PRSS33: variants seen among roughly 807,000 people sequenced by gnomAD.
PRSS33 encodes serine protease 33.
Under a neutral mutation model 26.7 loss-of-function variants are expected in PRSS33, and 32 were observed. That is an observed-to-expected ratio of 1.20 (90% CI 0.90 to 1.61). PRSS33 has a LOEUF of 1.61. Among genes scored for constraint, PRSS33 ranks in the 40% most tolerant of loss-of-function variants. The probability of loss-of-function intolerance (pLI) is 0.00; values close to 1 mark genes in which losing one functional copy is unlikely to be tolerated. For missense variants in PRSS33, 450 were observed against 396.3 expected (o/e 1.14, Z -1.15); for synonymous variants, 192 against 177.6 (o/e 1.08, Z -0.64).
intron 1 of PRSS33, chr16:2,786,837 C>G: frequency 3.1e-6 from 1 of 321,722 alleles, no homozygotes; most frequent in Non-Finnish European, 5.8e-6. Flanking sequence ...TGGAGCCTAA[C>G]CCCCCTCGGT....
chr16:2,785,861 G>C lies in PRSS33; in HGVS notation c.180C>G (p.His60Gln). Residue 60 changes from histidine to glutamine, a missense_variant, in exon 4 of 7, where the codon CAC (histidine) becomes CAG (glutamine). Transcript: ENST00000682474. ...GGGCGATGAGCGACCCCCCGCACAC[G>C]TGTGCCCCACGATGCTGGATGCTCG... is the stretch of plus-strand genomic sequence containing the variant. ...WQASIQHRGA[H>Q]VCGGSLIAPQ... The C allele has an allele frequency of 6.2e-7, 1 of 1,609,300 alleles. No homozygotes were observed. The highest frequency in any genetic ancestry group is 8.5e-7 in the Non-Finnish European group (1 of 1,179,004).
chr16:2,787,602 C>T (rs11076829), upstream of PRSS33, among the ~76,000 whole-genome samples: 90,344 of 148,430 alleles, frequency 0.61, 30,714 homozygotes, highest in Non-Finnish European at 0.78. Context: ...GCCAGGAGAG[C>T]GCGAGGCTCA....
At position 2,785,450 on chromosome 16, in the gene PRSS33, G is replaced by A. The variant is rs1243035776; in HGVS notation, c.439C>T (p.Leu147=). 2.0e-6 allele frequency: 3 copies of A among 1,503,188 alleles called. No homozygotes were observed. The highest frequency in any genetic ancestry group is 2.6e-6 in the Non-Finnish European group (3 of 1,135,596). 93.1% of individuals were successfully genotyped at this position (1,503,188 alleles called of 1,614,324 possible). A position where few individuals can be genotyped will look rare whatever the true frequency, so the allele number is the denominator to read the frequency against. The change falls in exon 5 of 7, where the codon CTG becomes TTG. Residue 147 remains leucine (L), a synonymous_variant. Coordinates refer to ENST00000682474, the MANE Select transcript of PRSS33 (RefSeq NM_152891.3). ...PLSARVQPVC[L]PVPGARPPPG... ...GGCGGGCGGGCGCCGGGCACGGGCAGGCAGACGGGTTGGACGCGAGCGCTC... is the reference window on the plus strand; with the variant it reads ...GGCGGGCGGGCGCCGGGCACGGGCAAGCAGACGGGTTGGACGCGAGCGCTC...
Position 2,784,773 on chromosome 16 carries a change from C to T in PRSS33, c.714G>A (p.Leu238=). 2 of 1,608,850 alleles carry T rather than the reference C, an allele frequency of 1.2e-6. No individual in the cohort carries two copies. The highest frequency in any genetic ancestry group is 1.7e-6 in the Non-Finnish European group (2 of 1,177,878). ...QGDSGGPLTC[L]QSGSWVLVGV... is the part of the protein sequence containing the mutation. ...CCACCAGGACCCAGCTCCCAGACTG[C>T]AGGCAGGTCAGAGGTCCCCCAGAAT... The change falls in exon 7 of 7, where the codon CTG becomes CTA. Residue 238 remains leucine, a synonymous_variant. Coordinates refer to ENST00000682474, the MANE Select transcript of PRSS33 (RefSeq NM_152891.3).
In PRSS33 at chr16:2,784,941, G is replaced by C. The variant is rs759419641; in HGVS notation, c.684+61C>G. 7 of 1,563,642 alleles carry C rather than the reference G, an allele frequency of 4.5e-6. No homozygotes were observed. In the South Asian group the frequency reaches 7.0e-5, roughly 16 times the overall value. On this transcript the variant is annotated intron_variant, in intron 6 of 6. Coordinates refer to ENST00000682474, the MANE Select transcript of PRSS33 (RefSeq NM_152891.3). The stretch of plus-strand genomic sequence containing the variant: ...GGGATGTCCTGGGTCCTGGAGTTCA[G>C]GGAGGGAGGGTGCTGGGCACAGGGA...
At position 2,785,871 on chromosome 16, in the gene PRSS33, C is replaced by G. The variant is rs370468018; in HGVS notation, c.170G>C (p.Arg57Pro). The change falls in exon 4 of 7, where the codon CGT becomes CCT. Residue 57 changes from arginine to proline, a missense_variant. Transcript: ENST00000682474. The stretch of plus-strand genomic sequence containing the variant: ...CGACCCCCCGCACACGTGTGCCCCA[C>G]GATGCTGGATGCTCGCCTGCCACGG... ...EWPWQASIQH[R>P]GAHVCGGSLI... 5.0e-6 allele frequency: 8 copies of G among 1,609,670 alleles called. No homozygotes were observed. Among genetic ancestry groups the G allele is most frequent in the African/African-American group, 1.3e-5 (1 of 74,904 alleles).
chr16:2,785,236 C>A, intron 5 of PRSS33, 65 bp from the exon 6 acceptor site: 1 of 1,469,136 alleles, frequency 6.8e-7, no homozygotes, highest in Non-Finnish European at 9.1e-7. Flanking sequence ...AGAAGCTGAG[C>A]TCTGAGTGAG....
chr16:2,785,106 CGCAG>C lies in PRSS33; in HGVS notation c.576_579del (p.Cys193ThrfsTer42). 1.6e-5 allele frequency: 25 copies of C among 1,549,906 alleles called. No homozygotes were observed. Among genetic ancestry groups the C allele is most frequent in the Non-Finnish European group, 2.2e-5 (25 of 1,149,998 alleles). On this transcript the variant is annotated frameshift_variant, in exon 6 of 7. Transcript: ENST00000682474. LOFTEE classifies it high-confidence loss of function. ...TCCGCGCCCACGTGGTAGAGGCCGT[CGCAG>C]GTGCGCGAGTCCAGCAGCGGCACCC...
In PRSS33 at chr16:2,785,381, G is replaced by C; in HGVS notation, c.508C>G (p.Pro170Ala). The C allele has an allele frequency of 7.0e-7, 1 of 1,434,324 alleles. No homozygotes were observed. Among genetic ancestry groups the C allele is most frequent in the South Asian group, 1.5e-5 (1 of 67,072 alleles). The allele number at this position is 1,434,324 out of a possible 1,614,324, so 88.8% of individuals were successfully genotyped here. ...CRVTGWGSLR[P>A]GVPLPEWRPL... ...CCCCGCCCTCCTGCCTTACCTCCTG[G>C]GCGGAGGCTGCCCCAGCCGGTGACC... is the stretch of plus-strand genomic sequence containing the variant. The change falls in exon 5 of 7, where the codon CCA becomes GCA. Residue 170 changes from proline to alanine, a missense_variant. Physicochemically the swap from Pro to Ala is conservative, Grantham distance 27. Transcript: ENST00000682474.
chr16:2,785,801 G>A lies in PRSS33; in HGVS notation c.240C>T (p.Pro80=). The change falls in exon 4 of 7, where the codon CCC becomes CCT. Residue 80 remains proline (P), a splice_region_variant and synonymous_variant. Transcript: ENST00000682474. ...QWVLTAAHCF[P]RRALPAEYRV... ...CTGGGCCCTCGGTGAGCGCTGACCT[G>A]GGGAAGCAGTGCGCCGCTGTCAGCA... The A allele has an allele frequency of 6.3e-7, 1 of 1,595,946 alleles. No homozygotes were observed. The highest frequency in any genetic ancestry group is 8.5e-7 in the Non-Finnish European group (1 of 1,176,064).
chr16:2,785,743 C>G, intron 4 of PRSS33, 56 bp downstream of exon 4: 1 of 1,511,236 alleles, frequency 6.6e-7, no homozygotes, highest in Non-Finnish European at 8.8e-7. Flanking sequence ...ACGCCCGGTC[C>G]TCTGCGGGCC....
At chr16:2,784,980 G>A in intron 6 of PRSS33, 22 bp downstream of exon 6, 1 of 1,593,604 alleles carries the variant, frequency 6.3e-7, no homozygotes, top group Non-Finnish European at 8.5e-7. Context: ...GACTCCGGAG[G>A]CTGGGGAGGC....
Position 2,785,428 on chromosome 16 carries a change from GGGCGGGC to G in PRSS33, c.454_460del (p.Ala152ArgfsTer30). 6.8e-7 allele frequency: 1 copy of G among 1,462,264 alleles called. No homozygotes were observed. Among genetic ancestry groups the G allele is most frequent in the Non-Finnish European group, 8.9e-7 (1 of 1,118,652 alleles). 90.6% of individuals were successfully genotyped at this position (1,462,264 alleles called of 1,614,324 possible). On this transcript the variant is annotated frameshift_variant, in exon 5 of 7. Transcript: ENST00000682474. LOFTEE classifies it high-confidence loss of function. ...GACCCGGCATGGTGTGCCGGGCGGC[GGGCGGGC>G]GCCGGGCACGGGCAGGCAGACGGGT... is the stretch of plus-strand genomic sequence containing the variant.
intron 2 of PRSS33, 68 bp from the exon 3 acceptor site, chr16:2,786,189 GC>G: frequency 7.3e-7 from 1 of 1,366,980 alleles, no homozygotes; most frequent in Non-Finnish European, 1.0e-6. Flanking sequence ...TGGAGGGGAG[GC>G]CAGAGATGAG....
At position 2,784,535 on chromosome 16, in the gene PRSS33, C is replaced by T. The variant is rs2068850093; in HGVS notation, c.*109G>A. On this transcript the variant is annotated 3_prime_UTR_variant, in exon 7 of 7. Transcript: ENST00000682474. Reference sequence around the variant, plus strand: ...TGGGGTGGCCTTTAGCTTTTTTAGGCATCTTGGCCTCGAGGCAGAAGGGAT... The same window carrying T: ...TGGGGTGGCCTTTAGCTTTTTTAGGTATCTTGGCCTCGAGGCAGAAGGGAT... 3 of 1,127,220 alleles carry T rather than the reference C, an allele frequency of 2.7e-6. No homozygotes were observed. Among genetic ancestry groups the T allele is most frequent in the South Asian group, 3.4e-5 (2 of 59,362 alleles). 69.8% of individuals were successfully genotyped at this position (1,127,220 alleles called of 1,614,324 possible). A position where few individuals can be genotyped will look rare whatever the true frequency, so the allele number is the denominator to read the frequency against.
At chr16:2,785,714 C>T (rs1688462133) in intron 4 of PRSS33, 68 bp from the exon 5 acceptor site, 2 of 1,475,556 alleles carry the variant, frequency 1.4e-6, no homozygotes, top group Non-Finnish European at 1.8e-6. Flanking sequence ...CGCCTCGACC[C>T]CAACGCCTCT....
rs1487551549 is a variant in PRSS33 at position 2,785,608 on chromosome 16, G to A, written c.281C>T (p.Ala94Val). The change falls in exon 5 of 7, where the codon GCG (alanine) becomes GTG (valine). Residue 94 changes from alanine to valine, a missense_variant. By Grantham distance (64) the Ala-to-Val change is moderately conservative. Coordinates refer to ENST00000682474, the MANE Select transcript of PRSS33 (RefSeq NM_152891.3). ...LPAEYRVRLG[A>V]LRLGSTSPRT... ...GGGCGAGGTGGAGCCCAGACGCAGC[G>A]CCCCCAGGCGCACGCGGTACTCAGC... is the stretch of plus-strand genomic sequence containing the variant. The A allele has an allele frequency of 7.3e-6, 11 of 1,508,076 alleles. 1 individual carries two copies. In the Admixed American group the frequency reaches 2.0e-4, roughly 27 times the overall value. 93.4% of individuals were successfully genotyped at this position (1,508,076 alleles called of 1,614,324 possible). A position where few individuals can be genotyped will look rare whatever the true frequency, so the allele number is the denominator to read the frequency against.
Position 2,786,134 on chromosome 16 carries a change from GCAGGGAAGGGAC to G in PRSS33, c.47-25_47-14del. The G allele has an allele frequency of 6.2e-7, 1 of 1,611,412 alleles. No individual in the cohort carries two copies. Among genetic ancestry groups the G allele is most frequent in the East Asian group, 2.2e-5 (1 of 44,876 alleles). The stretch of plus-strand genomic sequence containing the variant: ...GTCCCAGCAGCTCCTGGAGGAGGAA[GCAGGGAAGGGAC>G]CAGATTATAGATTTGGTGTCAAATA... On this transcript the variant is annotated splice_polypyrimidine_tract_variant and intron_variant, in intron 2 of 6. Coordinates refer to ENST00000682474, the MANE Select transcript of PRSS33 (RefSeq NM_152891.3).
rs1351805120 is a variant in PRSS33 at position 2,785,523 on chromosome 16, C to G, written c.366G>C (p.Gly122=). ...VLLPPDYSED[G]ARGDLALLQL... ...GCAGCAGTGCCAGGTCGCCGCGGGC[C>G]CCGTCCTCGGAGTAGTCCGGGGGCA... Residue 122 remains glycine (G), a synonymous_variant, in exon 5 of 7, where the codon GGG becomes GGC. Transcript: ENST00000682474. The G allele has an allele frequency of 7.9e-6, 12 of 1,524,062 alleles. No individual in the cohort carries two copies. Among genetic ancestry groups the G allele is most frequent in the Non-Finnish European group, 1.0e-5 (12 of 1,143,106 alleles). The allele number at this position is 1,524,062 out of a possible 1,614,324, so 94.4% of individuals were successfully genotyped here. A position where few individuals can be genotyped will look rare whatever the true frequency, so the allele number is the denominator to read the frequency against.
Sources: allele counts gnomAD v4.1 joint callset (sites outside exome capture counted in the v4.1 genomes callset), GRCh38; gene constraint gnomAD v4.1.1; transcripts MANE v1.5; gene names NCBI Gene and HGNC (gene_info 2026-07-23, HGNC 2026-07-21).